ZNF727: variants seen among roughly 807,000 people sequenced by gnomAD.
The protein encoded by ZNF727 is putative zinc finger protein 727.
A neutral mutation model predicts 11.5 loss-of-function variants in ZNF727; 11 were observed. The ratio of observed to expected loss-of-function variants is 0.95; its 90% CI spans 0.60 to 1.58. ZNF727 has a LOEUF of 1.58. Among genes scored for constraint, ZNF727 ranks in the 40% most tolerant of loss-of-function variants. The pLI, the probability that ZNF727 is intolerant of heterozygous loss-of-function variation, is 0.00. For missense variants in ZNF727, 533 were observed against 581.7 expected, an observed-to-expected ratio of 0.92 and a Z score of 0.86; for synonymous variants, 171 against 196.1, an observed-to-expected ratio of 0.87 and a Z score of 1.07.
intron 1 of ZNF727, among the ~76,000 whole-genome samples, chr7:64,054,097 CAGAGGCT>C (rs1789645236): frequency 6.6e-6 from 1 of 152,184 alleles, no homozygotes; most frequent in Non-Finnish European, 1.5e-5. Flanking sequence ...TTAGTATATG[CAGAGGCT>C]CTCTCAGTAA....
At chr7:64,074,198 A>C (rs1354865139) in intron 3 of ZNF727, among the ~76,000 whole-genome samples, 2 of 152,176 alleles carry the variant, frequency 1.3e-5, no homozygotes, top group Non-Finnish European at 2.9e-5. Context: ...GAAATGTCCA[A>C]AGGCGAAGGA....
At position 64,084,669 on chromosome 7, in the gene ZNF727, A is replaced by G. The variant is rs1164798352; in HGVS notation, c.*6120A>G. On this transcript the variant is annotated 3_prime_UTR_variant, in exon 4 of 4. Transcript: ENST00000456806. ...TGAATTCTGAACAACTATTTACAAA[A>G]TTTTATCCTACTTTTTTCTGTTGAA... 1.3e-5 allele frequency among the ~76,000 whole-genome samples: 2 copies of G among 152,190 alleles called. No homozygotes were observed. The highest frequency in any genetic ancestry group is 2.9e-5 in the Non-Finnish European group (2 of 68,006).
intron 3 of ZNF727, among the ~76,000 whole-genome samples, chr7:64,070,167 C>G (rs1295683203): frequency 6.6e-6 from 1 of 152,028 alleles, no homozygotes; most frequent in Non-Finnish European, 1.5e-5. Flanking sequence ...TATTAAAACA[C>G]TAAGCATCTC....
In ZNF727 at chr7:64,080,892, G is replaced by GT. The variant is rs145426066; in HGVS notation, c.*2354dup. ...TTTTTGTTTTTTGTTTTTTGTTTTT[G>GT]TTTTTTTTTTTGTGGTGGTGGAGGG... On this transcript the variant is annotated 3_prime_UTR_variant, in exon 4 of 4. Transcript: ENST00000456806. Among the ~76,000 whole-genome samples, 6,119 of 139,392 alleles carry GT rather than the reference G, an allele frequency of 0.044. 135 individuals carry two copies. Among genetic ancestry groups the GT allele is most frequent in the Admixed American group, 0.066 (899 of 13,574 alleles). The allele number at this position is 139,392 out of a possible 152,430, so 91.4% of individuals were successfully genotyped here.
At chr7:64,064,364 C>T (rs538860228) in intron 1 of ZNF727, among the ~76,000 whole-genome samples, 2 of 152,154 alleles carry the variant, frequency 1.3e-5, no homozygotes, top group Admixed American at 1.3e-4. Context: ...CTCTTCTGGC[C>T]CAGGGTATGT....
chr7:64,065,032 T>C (rs1789840755), intron 1 of ZNF727, among the ~76,000 whole-genome samples: 1 of 152,146 alleles, frequency 6.6e-6, no homozygotes, highest in Admixed American at 6.6e-5. Flanking sequence ...GTTTTGGTTC[T>C]TAGGAAGATG....
chr7:64,057,158 G>A (rs1002240346), intron 1 of ZNF727, among the ~76,000 whole-genome samples: 2 of 151,738 alleles, frequency 1.3e-5, no homozygotes, highest in African/African-American at 4.8e-5. Flanking sequence ...AGTTTGTTGA[G>A]CATGAAACAC....
chr7:64,050,469 C>T (rs1789576246), intron 1 of ZNF727, among the ~76,000 whole-genome samples: 2 of 152,106 alleles, frequency 1.3e-5, no homozygotes, highest in South Asian at 4.1e-4. Flanking sequence ...TTCAAGGGGT[C>T]CCAGGCTGCT....
intron 1 of ZNF727, among the ~76,000 whole-genome samples, chr7:64,049,119 A>T (rs1789552991): frequency 6.6e-6 from 1 of 152,156 alleles, no homozygotes. Flanking sequence ...AAAGAAAATC[A>T]AATTTTATTC....
chr7:64,046,343 T>C (rs1789506747), intron 1 of ZNF727, among the ~76,000 whole-genome samples: 1 of 152,166 alleles, frequency 6.6e-6, no homozygotes, highest in African/African-American at 2.4e-5. Context: ...AATTGAGGCA[T>C]CTTTAGGATA....
At position 64,081,726 on chromosome 7, in the gene ZNF727, A is replaced by C. The variant is rs2116339819; in HGVS notation, c.*3177A>C. Among the ~76,000 whole-genome samples, 1 of 152,172 alleles carries C rather than the reference A, an allele frequency of 6.6e-6. No individual in the cohort carries two copies. Among genetic ancestry groups the C allele is most frequent in the Non-Finnish European group, 1.5e-5 (1 of 68,010 alleles). Reference sequence around the variant, plus strand: ...TGCTCAGTTGGATCAGCTTCTTCTGATTTGCAAGACCATCCTGCAGAAATT... The same window carrying C: ...TGCTCAGTTGGATCAGCTTCTTCTGCTTTGCAAGACCATCCTGCAGAAATT... On this transcript the variant is annotated 3_prime_UTR_variant, in exon 4 of 4. Transcript: ENST00000456806.
chr7:64,074,064 G>A lies in ZNF727; in HGVS notation c.227-3212G>A, dbSNP rs563772903. On this transcript the variant is annotated intron_variant, in intron 3 of 3. Coordinates refer to ENST00000456806, the MANE Select transcript of ZNF727 (RefSeq NM_001159522.3). ...CCTAATTGGTGTTGAGGGAAAGAAA[G>A]GTTGGGTTGGAAAGTCTTTAAGCTA... Among the ~76,000 whole-genome samples the A allele has an allele frequency of 1.4e-4, 22 of 152,254 alleles. No individual in the cohort carries two copies. In the South Asian group the frequency reaches 4.6e-3, roughly 32 times the overall value.
intron 1 of ZNF727, among the ~76,000 whole-genome samples, chr7:64,052,341 T>C (rs1291499562): frequency 6.6e-6 from 1 of 151,898 alleles, no homozygotes; most frequent in East Asian, 1.9e-4. Context: ...GATCTGATGG[T>C]TTTTTAAACA....
At position 64,084,228 on chromosome 7, in the gene ZNF727, G is replaced by C. The variant is rs1226242587; in HGVS notation, c.*5679G>C. 6.6e-6 allele frequency among the ~76,000 whole-genome samples: 1 copy of C among 152,112 alleles called. No homozygotes were observed. Among genetic ancestry groups the C allele is most frequent in the Non-Finnish European group, 1.5e-5 (1 of 68,002 alleles). On this transcript the variant is annotated 3_prime_UTR_variant, in exon 4 of 4. Coordinates refer to ENST00000456806, the MANE Select transcript of ZNF727 (RefSeq NM_001159522.3). ...TGGTAAGTGATTAGGATAATATTCT[G>C]CATAGTAAGAGAAACAATTTGAATT...
Position 64,077,437 on chromosome 7 carries a change from T to C in ZNF727, c.388T>C (p.Tyr130His), listed in dbSNP as rs191479252. Residue 130 changes from tyrosine (Y) to histidine (H), a missense_variant, in exon 4 of 4, where the codon TAT becomes CAT. Tyr to His is a moderately conservative substitution (Grantham distance 83). Coordinates refer to ENST00000456806, the MANE Select transcript of ZNF727 (RefSeq NM_001159522.3). ...TAATTGCAAGGGGCAGAAAAGCAGT[T>C]ATAATGGCATTCATCAATGTTTGTC... Reference protein sequence around the residue: ...VGNCKGQKSSYNGIHQCLSAT... With the variant: ...VGNCKGQKSSHNGIHQCLSAT... The C allele has an allele frequency of 1.8e-3, 2,739 of 1,551,948 alleles. 4 individuals are homozygous for C. Among genetic ancestry groups the C allele is most frequent in the Non-Finnish European group, 2.1e-3 (2,404 of 1,147,036 alleles).
At chr7:64,060,368 C>T (rs1789751030) in intron 1 of ZNF727, among the ~76,000 whole-genome samples, 2 of 152,186 alleles carry the variant, frequency 1.3e-5, no homozygotes, top group Non-Finnish European at 2.9e-5. Flanking sequence ...CAGAGATACG[C>T]ACAAGGCTTT....
At chr7:64,048,158 A>AAATT (rs1789537207) in intron 1 of ZNF727, among the ~76,000 whole-genome samples, 1 of 152,222 alleles carries the variant, frequency 6.6e-6, no homozygotes, top group Non-Finnish European at 1.5e-5. Flanking sequence ...ATTAATTGTA[A>AAATT]AATGGATTTT....
intron 1 of ZNF727, among the ~76,000 whole-genome samples, chr7:64,057,818 A>G (rs1789709650): frequency 6.6e-6 from 1 of 152,168 alleles, no homozygotes; most frequent in South Asian, 2.1e-4. Flanking sequence ...AAACATCATA[A>G]TCTGATCTCT....
rs1789830241 is a variant in ZNF727 at position 64,064,368 on chromosome 7, G to C, written c.4-4523G>C. On this transcript the variant is annotated intron_variant, in intron 1 of 3. Coordinates refer to ENST00000456806, the MANE Select transcript of ZNF727 (RefSeq NM_001159522.3). ...GGCAGTGTGTTCTCTTCTGGCCCAG[G>C]GTATGTCTAGAACTGTCACCCAGGA... Among the ~76,000 whole-genome samples the C allele has an allele frequency of 2.0e-5, 3 of 152,088 alleles. No individual in the cohort carries two copies. The South Asian group carries it at 6.2e-4, about 32-fold the overall frequency.
Sources: allele counts gnomAD v4.1 joint callset (sites outside exome capture counted in the v4.1 genomes callset), GRCh38; gene constraint gnomAD v4.1.1; transcripts MANE v1.5; gene names NCBI Gene and HGNC (gene_info 2026-07-23, HGNC 2026-07-21).